The following UST variants were observed in gnomAD, a reference collection of about 807,000 sequenced individuals.
The protein encoded by UST is chondroitin sulfate 2-O-sulfotransferase.
In UST, 21 loss-of-function variants were observed where a neutral mutation model predicts 45.6. The ratio of observed to expected loss-of-function variants is 0.46; its 90% confidence interval spans 0.33 to 0.66. The LOEUF is 0.66. UST is among the 30% of genes least tolerant of loss of function. The pLI is 0.02. For synonymous variants in UST, 215 were observed against 200.6 expected, an observed-to-expected ratio of 1.07 and a Z score of -0.61; for missense variants, 463 against 512.4, an observed-to-expected ratio of 0.90 and a Z score of 0.93.
intron 7 of UST, among the ~76,000 whole-genome samples, chr6:149,048,127 AT>A (rs35382476): frequency 0.044 from 6,586 of 150,276 alleles, 360 homozygotes; most frequent in African/African-American, 0.13. Context: ...TAAAGAGTTC[AT>A]TTTTTTTTTA....
At chr6:149,016,818 T>C (rs7761704) in intron 5 of UST, among the ~76,000 whole-genome samples, 5,344 of 152,270 alleles carry the variant, frequency 0.035, 292 homozygotes, top group African/African-American at 0.12. Flanking sequence ...AACACTGTCC[T>C]GGCCAGAATC....
intron 2 of UST, among the ~76,000 whole-genome samples, chr6:148,887,868 C>G (rs1487603460): frequency 6.6e-6 from 1 of 151,934 alleles, no homozygotes; most frequent in Non-Finnish European, 1.5e-5. Flanking sequence ...AGTGTAGATA[C>G]AAGCACTCTA....
intron 7 of UST, among the ~76,000 whole-genome samples, chr6:149,029,460 A>ATAT (rs1776104915): frequency 6.9e-6 from 1 of 145,258 alleles, no homozygotes; most frequent in African/African-American, 2.5e-5. Context: ...TATATACATT[A>ATAT]TATATTATAT....
chr6:148,853,761 C>G (rs1778150680), intron 1 of UST, among the ~76,000 whole-genome samples: 1 of 152,088 alleles, frequency 6.6e-6, no homozygotes, highest in Non-Finnish European at 1.5e-5. Context: ...TGTATGTCTT[C>G]TTTTGAGAAG....
intron 7 of UST, among the ~76,000 whole-genome samples, chr6:149,066,730 AAATG>A (rs1319602351): frequency 6.6e-6 from 1 of 152,176 alleles, no homozygotes. Context: ...GCTTACTTGA[AAATG>A]AACTTACAAT....
At chr6:148,911,186 C>T (rs562761430) in intron 2 of UST, among the ~76,000 whole-genome samples, 1 of 152,282 alleles carries the variant, frequency 6.6e-6, no homozygotes, top group East Asian at 1.9e-4. Context: ...TGAATTGCCC[C>T]AGGATCGTGT....
At chr6:148,989,863 T>G (rs1038179431) in intron 5 of UST, among the ~76,000 whole-genome samples, 1 of 152,218 alleles carries the variant, frequency 6.6e-6, no homozygotes, top group Non-Finnish European at 1.5e-5. Flanking sequence ...TCTCCTGAGT[T>G]TTTTGGATAA....
intron 1 of UST, among the ~76,000 whole-genome samples, chr6:148,803,696 T>A (rs1455589601): frequency 6.6e-6 from 1 of 152,162 alleles, no homozygotes; most frequent in Non-Finnish European, 1.5e-5. Context: ...CTCAGAGGTT[T>A]TCCCTGACTC....
At chr6:148,980,892 GT>G (rs1443656985) in intron 5 of UST, among the ~76,000 whole-genome samples, 3 of 151,722 alleles carry the variant, frequency 2.0e-5, no homozygotes, top group Non-Finnish European at 2.9e-5. Context: ...ACTAATTTTT[GT>G]AATTTTTTTT....
At chr6:148,927,018 G>A (rs918484078) in intron 2 of UST, among the ~76,000 whole-genome samples, 6 of 152,010 alleles carry the variant, frequency 3.9e-5, no homozygotes, top group Admixed American at 2.0e-4. Context: ...ACAATAATGG[G>A]GTATATTTAC....
intron 5 of UST, among the ~76,000 whole-genome samples, chr6:148,985,491 G>A (rs1562321040): frequency 6.6e-6 from 1 of 152,078 alleles, no homozygotes; most frequent in Non-Finnish European, 1.5e-5. Context: ...GTTCTGAGAG[G>A]TTCATGACTG....
chr6:148,870,013 A>G (rs868591042), intron 1 of UST, among the ~76,000 whole-genome samples: 13 of 152,154 alleles, frequency 8.5e-5, no homozygotes, highest in Middle Eastern at 3.2e-3. Context: ...TATTTCATTC[A>G]TAGAAAGTCA....
chr6:148,914,183 A>G (rs1293653070), intron 2 of UST, among the ~76,000 whole-genome samples: 2 of 152,226 alleles, frequency 1.3e-5, no homozygotes, highest in African/African-American at 2.4e-5. Flanking sequence ...GTACTGCATT[A>G]GGAGATACAT....
At chr6:148,814,612 T>A (rs1190726307) in intron 1 of UST, among the ~76,000 whole-genome samples, 1 of 136,944 alleles carries the variant, frequency 7.3e-6, no homozygotes, top group Non-Finnish European at 1.7e-5. Context: ...GCTGACCCAG[T>A]CAGCTTCTGG....
chr6:148,929,775 G>T (rs1779887549), intron 2 of UST, among the ~76,000 whole-genome samples: 1 of 152,162 alleles, frequency 6.6e-6, no homozygotes, highest in Non-Finnish European at 1.5e-5. Context: ...TAACCCATTT[G>T]TTCTTGAGCT....
intron 5 of UST, among the ~76,000 whole-genome samples, chr6:148,972,925 C>T (rs1375372364): frequency 6.6e-6 from 1 of 151,806 alleles, no homozygotes; most frequent in Non-Finnish European, 1.5e-5. Flanking sequence ...CAATGTGTAG[C>T]TGAGGTTGAG....
chr6:148,928,535 C>T (rs189422926), intron 2 of UST, among the ~76,000 whole-genome samples: 4 of 152,290 alleles, frequency 2.6e-5, no homozygotes, highest in Admixed American at 6.5e-5. Context: ...GAAATGGGTT[C>T]CCCCATCCAT....
intron 5 of UST, among the ~76,000 whole-genome samples, chr6:149,000,169 C>A (rs572784043): frequency 1.6e-4 from 24 of 152,296 alleles, no homozygotes; most frequent in African/African-American, 5.8e-4. Flanking sequence ...CTTCCCCTCA[C>A]TTTCCAAGTA....
chr6:148,980,608 C>G (rs1359532440), intron 5 of UST, among the ~76,000 whole-genome samples: 1 of 152,182 alleles, frequency 6.6e-6, no homozygotes, highest in Non-Finnish European at 1.5e-5. Context: ...TATTGCTTTC[C>G]CAAATAAACG....
Sources: allele counts gnomAD v4.1 joint callset (sites outside exome capture counted in the v4.1 genomes callset), GRCh38; gene constraint gnomAD v4.1.1; transcripts MANE v1.5; gene names NCBI Gene and HGNC (gene_info 2026-07-23, HGNC 2026-07-21).